Variants in NPL observed in about 807,000 individuals in gnomAD.
NPL encodes N-acetylneuraminate pyruvate lyase.
A neutral mutation model predicts 41.1 loss-of-function variants in NPL; 32 were observed. The observed-to-expected ratio is 0.78, with a 90% CI of 0.59 to 1.05. The LOEUF (loss-of-function observed/expected upper bound fraction) is 1.05, where lower values mean the gene tolerates loss of function less well. Ranked by LOEUF, NPL falls within the 50% of genes least tolerant of loss-of-function variation. The pLI is 0.00. For missense variants in NPL, 321 were observed against 378.4 expected, an observed-to-expected ratio of 0.85 and a Z score of 1.26; for synonymous variants, 128 against 134.9, an observed-to-expected ratio of 0.95 and a Z score of 0.35.
chr1:182,815,848 C>G (rs762609364), intron 7 of NPL, among the ~76,000 whole-genome samples: 3 of 152,206 alleles, frequency 2.0e-5, no homozygotes, highest in Non-Finnish European at 4.4e-5. Flanking sequence ...CTTGATCCTC[C>G]TGCCTCAGCC....
intron 1 of NPL, chr1:182,791,455 C>T (rs912899425): frequency 1.3e-5 from 2 of 152,110 alleles, no homozygotes; most frequent in South Asian, 2.1e-4. Context: ...GTTCTTTAGC[C>T]TACTGGCATT....
chr1:182,807,659 G>A (rs1328226365), intron 5 of NPL, among the ~76,000 whole-genome samples: 3 of 148,848 alleles, frequency 2.0e-5, no homozygotes, highest in Non-Finnish European at 3.0e-5. Context: ...GGCGGATCAC[G>A]AGGTCAGGAG....
chr1:182,793,131 T>G (rs1666562992), intron 2 of NPL, among the ~76,000 whole-genome samples: 2 of 152,234 alleles, frequency 1.3e-5, no homozygotes, highest in African/African-American at 4.8e-5. Flanking sequence ...ATTTTCATTT[T>G]CAATTGTTAG....
chr1:182,794,054 G>T (rs1666589018), intron 2 of NPL, among the ~76,000 whole-genome samples: 1 of 152,166 alleles, frequency 6.6e-6, no homozygotes, highest in East Asian at 1.9e-4. Flanking sequence ...TTAGGTTCAA[G>T]CTCTTTCTTG....
chr1:182,806,491 A>G (rs1421648764), intron 5 of NPL: 36 of 1,536,094 alleles, frequency 2.3e-5, no homozygotes, highest in Non-Finnish European at 3.1e-5. Context: ...ACCTGTCTAC[A>G]AGGCCAGTCC....
chr1:182,818,482 T>G, intron 8 of NPL, 59 bp from the exon 9 acceptor site: 3 of 1,602,138 alleles, frequency 1.9e-6, no homozygotes, highest in Non-Finnish European at 2.6e-6. Flanking sequence ...CATGACACTA[T>G]ATGAGATGTT....
At chr1:182,825,930 C>G (rs1275826787) in intron 12 of NPL, 110 bp downstream of exon 12, 6 of 860,006 alleles carry the variant, frequency 7.0e-6, no homozygotes, top group South Asian at 1.3e-5. Flanking sequence ...TGGTCTGTTG[C>G]AAGCAGAGTT....
chr1:182,818,633 C>T lies in NPL; in HGVS notation c.550C>T (p.Gln184Ter). 1 of 1,614,210 alleles carries T rather than the reference C, an allele frequency of 6.2e-7. No homozygotes were observed. Among genetic ancestry groups the T allele is most frequent in the Non-Finnish European group, 8.5e-7 (1 of 1,180,044 alleles). The change falls in exon 9 of 13, where the codon CAA becomes TAA. Residue 184 changes from glutamine (Q) to a stop codon, truncating the protein, a stop_gained. Coordinates refer to ENST00000367553, the MANE Select transcript of NPL (RefSeq NM_030769.3). LOFTEE classifies it high-confidence loss of function. ...TGATACAGATCTCTTAGACTTCGGG[C>T]AATGTGTTGATCAGAATCGCCAGCA... is the stretch of plus-strand genomic sequence containing the variant. ...FSDTDLLDFG[Q>*]CVDQNRQQQF...
At chr1:182,822,418 G>GGCTC (rs1334804458) in intron 11 of NPL, among the ~76,000 whole-genome samples, 1 of 152,192 alleles carries the variant, frequency 6.6e-6, no homozygotes, top group African/African-American at 2.4e-5. Context: ...ATACAGGGAT[G>GGCTC]GCTCCTCTCT....
chr1:182,792,704 G>T (rs1341837021), intron 2 of NPL, among the ~76,000 whole-genome samples: 1 of 152,206 alleles, frequency 6.6e-6, no homozygotes, highest in Admixed American at 6.5e-5. Flanking sequence ...AAAGCTACAT[G>T]CAGGACTTGG....
intron 5 of NPL, chr1:182,809,740 G>A (rs1257054418): frequency 6.6e-6 from 1 of 152,104 alleles, no homozygotes; most frequent in Non-Finnish European, 1.5e-5. Context: ...AAGATTTGGA[G>A]TAGCCACTCC....
chr1:182,808,936 G>A (rs1667098438), intron 5 of NPL, among the ~76,000 whole-genome samples: 1 of 150,238 alleles, frequency 6.7e-6, no homozygotes, highest in South Asian at 2.1e-4. Context: ...GTCCAGCCTG[G>A]GTGAAAGAGC....
At chr1:182,807,615 G>A (rs1213995050) in intron 5 of NPL, among the ~76,000 whole-genome samples, 10 of 151,160 alleles carry the variant, frequency 6.6e-5, no homozygotes, top group East Asian at 1.9e-4. Context: ...GGTGGCTCAT[G>A]CCTGTAATCC....
intron 11 of NPL, among the ~76,000 whole-genome samples, chr1:182,823,906 C>A (rs1355894904): frequency 6.6e-6 from 1 of 152,166 alleles, no homozygotes; most frequent in Non-Finnish European, 1.5e-5. Context: ...TGGTAAGGAA[C>A]TTATTTTACC....
intron 10 of NPL, among the ~76,000 whole-genome samples, chr1:182,820,523 G>T (rs2102563175): frequency 6.6e-6 from 1 of 152,278 alleles, no homozygotes. Flanking sequence ...TCGCTATAAA[G>T]AAATATCTGA....
At chr1:182,795,970 A>G (rs1666651833) in intron 3 of NPL, 1 of 152,146 alleles carries the variant, frequency 6.6e-6, no homozygotes, top group South Asian at 2.1e-4. Flanking sequence ...ACCCACGGAC[A>G]ATGTCAGTGT....
chr1:182,808,563 T>G (rs927420737), intron 5 of NPL, among the ~76,000 whole-genome samples: 2 of 152,120 alleles, frequency 1.3e-5, no homozygotes, highest in Non-Finnish European at 2.9e-5. Context: ...TAGGCAAGAT[T>G]GAAAGAAGGG....
chr1:182,828,605 T>C lies in NPL; in HGVS notation c.779-119T>C. On this transcript the variant is annotated intron_variant, in intron 12 of 12. Transcript: ENST00000367553. The surrounding 1 kb of genome is among the most constrained non-coding windows in gnomAD (Gnocchi z 4.0). ...ATATTGACTAGAAATGTTCCCATCTTTTGTTTTAATCTTACCCTGTTGTAG... is the reference window on the plus strand; with the variant it reads ...ATATTGACTAGAAATGTTCCCATCTCTTGTTTTAATCTTACCCTGTTGTAG... The C allele has an allele frequency of 1.6e-6, 2 of 1,276,682 alleles. No individual in the cohort carries two copies. The highest frequency in any genetic ancestry group is 2.2e-6 in the Non-Finnish European group (2 of 896,086). 79.1% of individuals were successfully genotyped at this position (1,276,682 alleles called of 1,614,324 possible). A position where few individuals can be genotyped will look rare whatever the true frequency, so the allele number is the denominator to read the frequency against.
At chr1:182,822,323 T>C in intron 11 of NPL, 124 bp downstream of exon 11, 3 of 723,832 alleles carry the variant, frequency 4.1e-6, no homozygotes, top group Non-Finnish European at 7.4e-6. Flanking sequence ...TCTTTACCTT[T>C]CTTCTGTTTT....
Sources: gnomAD v4.1 joint callset for allele counts (sites outside exome capture counted in the v4.1 genomes callset) on GRCh38, gnomAD v4.1.1 for gene constraint, Gnocchi (gnomAD v3.1) non-coding constraint, MANE v1.5 for transcripts, NCBI Gene and HGNC (gene_info 2026-07-23, HGNC 2026-07-21) for gene names.